RBBP5: variants seen among roughly 807,000 people sequenced by gnomAD.
RBBP5 encodes retinoblastoma-binding protein 5.
A neutral mutation model predicts 72.2 loss-of-function variants in RBBP5; 5 were observed. The ratio of observed to expected loss-of-function variants is 0.07; its 90% CI spans 0.04 to 0.15. The LOEUF is 0.15. Among genes scored for constraint, RBBP5 ranks in the 10% least tolerant of loss-of-function variants. RBBP5 has a pLI of 1.00. For synonymous variants in RBBP5, 209 were observed against 237.2 expected, an observed-to-expected ratio of 0.88 and a Z score of 1.09; for missense variants, 322 against 652.2, an observed-to-expected ratio of 0.49 and a Z score of 5.51.
intron 3 of RBBP5, among the ~76,000 whole-genome samples, chr1:205,109,315 G>A (rs1656209886): frequency 6.6e-6 from 1 of 150,654 alleles, no homozygotes; most frequent in Non-Finnish European, 1.5e-5. Flanking sequence ...ACTGTAACAG[G>A]AAACCCAATT....
chr1:205,121,864 C>T lies in RBBP5; in HGVS notation c.10G>A (p.Glu4Lys). The T allele has an allele frequency of 6.2e-7, 1 of 1,611,994 alleles. No individual in the cohort carries two copies. The highest frequency in any genetic ancestry group is 8.5e-7 in the Non-Finnish European group (1 of 1,180,000). Residue 4 changes from glutamate (E) to lysine (K), a missense_variant, in exon 1 of 14, where the codon GAG (glutamate) becomes AAG (lysine). Coordinates refer to ENST00000264515, the MANE Select transcript of RBBP5 (RefSeq NM_005057.4). ...CCACAGCCCTTCTCACCCAGCAACT[C>T]GAGGTTCATCCCTGCGGACTGTGGC... MNLELLESFGQNYP... is the reference protein window; with the variant it reads MNLKLLESFGQNYP...
intron 1 of RBBP5, among the ~76,000 whole-genome samples, chr1:205,119,027 G>A (rs1162496005): frequency 6.6e-6 from 1 of 152,074 alleles, no homozygotes; most frequent in African/African-American, 2.4e-5. Context: ...ACTTTAAAAT[G>A]CAGAGTCATT....
chr1:205,093,778 G>T (rs1025537699), intron 13 of RBBP5, among the ~76,000 whole-genome samples: 10 of 151,880 alleles, frequency 6.6e-5, no homozygotes, highest in Non-Finnish European at 1.2e-4. Context: ...CAGCTTCTCT[G>T]TAAGAGAATT....
chr1:205,110,060 G>A (rs1574711118), intron 3 of RBBP5, among the ~76,000 whole-genome samples: 1 of 151,760 alleles, frequency 6.6e-6, no homozygotes, highest in Admixed American at 6.6e-5. Flanking sequence ...TTCCGAGACA[G>A]GGTCTCGCTC....
At chr1:205,104,833 G>A (rs941636057) in intron 4 of RBBP5, among the ~76,000 whole-genome samples, 195 bp downstream of exon 4, 1 of 151,910 alleles carries the variant, frequency 6.6e-6, no homozygotes, top group East Asian at 1.9e-4. Flanking sequence ...GCAGGACTCT[G>A]TCTCAAAAAA....
At chr1:205,100,343 A>C in intron 6 of RBBP5, 72 bp from the exon 7 acceptor site, 1 of 1,540,768 alleles carries the variant, frequency 6.5e-7, no homozygotes, top group Non-Finnish European at 8.8e-7. Context: ...ACGACTAATA[A>C]ACTAGGGAAG....
chr1:205,088,061 G>C lies in RBBP5; in HGVS notation c.*726C>G, dbSNP rs1188733950. On this transcript the variant is annotated 3_prime_UTR_variant, in exon 14 of 14. Coordinates refer to ENST00000264515, the MANE Select transcript of RBBP5 (RefSeq NM_005057.4). ...TATTGATGATTCTTTGCTGGAGATG[G>C]ATAAAACTAGCTATCTTCAAAAACC... 2.0e-5 allele frequency: 3 copies of C among 152,176 alleles called. No individual in the cohort carries two copies. The highest frequency in any genetic ancestry group is 6.5e-5 in the Admixed American group (1 of 15,272). The allele number at this position is 152,176 out of a possible 1,614,324, so 9.4% of individuals were successfully genotyped here.
In RBBP5 at chr1:205,105,989, C is replaced by T. The variant is rs139024972; in HGVS notation, c.219-821G>A. On this transcript the variant is annotated intron_variant, in intron 3 of 13. Coordinates refer to ENST00000264515, the MANE Select transcript of RBBP5 (RefSeq NM_005057.4). ...CAGCTATAACAAGGCACCCTCCCCA[C>T]CTCACTGGGGTGGTGTCAGAGAAGG... Among the ~76,000 whole-genome samples the T allele has an allele frequency of 1.1e-3, 165 of 152,374 alleles. 1 individual carries two copies. Among genetic ancestry groups the T allele is most frequent in the African/African-American group, 3.7e-3 (155 of 41,580 alleles).
chr1:205,096,892 A>C lies in RBBP5; in HGVS notation c.1186T>G (p.Ser396Ala). Residue 396 changes from serine to alanine, a missense_variant, in exon 12 of 14, where the codon TCA becomes GCA. Around this residue, in one of 6 missense-constraint regions of RBBP5, gnomAD observed 30 missense variants for 82.1 expected, o/e 0.37. Transcript: ENST00000264515. Reference sequence around the variant, plus strand: ...ATGGGTAAATACAATAGAGCCTTTGAATCTTCCAGCTCTTCATCACTATTT... The same window carrying C: ...ATGGGTAAATACAATAGAGCCTTTGCATCTTCCAGCTCTTCATCACTATTT... ...FCSSDEELED[S>A]KALLYLPIAP... 6.2e-7 allele frequency: 1 copy of C among 1,601,292 alleles called. No homozygotes were observed. The highest frequency in any genetic ancestry group is 8.5e-7 in the Non-Finnish European group (1 of 1,174,566).
At chr1:205,100,312 T>A (rs540755281) in intron 6 of RBBP5, 41 bp from the exon 7 acceptor site, 57 of 1,607,586 alleles carry the variant, frequency 3.5e-5, no homozygotes, top group Admixed American at 8.4e-5. Flanking sequence ...AGGTCAGAAA[T>A]CTGTTCCTTA....
Position 205,090,634 on chromosome 1 carries a change from C to T in RBBP5, c.1589-1819G>A, listed in dbSNP as rs116796922. On this transcript the variant is annotated intron_variant, in intron 13 of 13. Coordinates refer to ENST00000264515, the MANE Select transcript of RBBP5 (RefSeq NM_005057.4). ...CCCAAGGAAACATATTATTTAGCTA[C>T]AACATAAAGGAAATCTCCAGTAATG... Among the ~76,000 whole-genome samples, 239 of 152,214 alleles carry T rather than the reference C, an allele frequency of 1.6e-3. 1 individual carries two copies. The highest frequency in any genetic ancestry group is 5.5e-3 in the African/African-American group (230 of 41,524).
chr1:205,093,533 T>TACACACACACACACAC (rs372536310), intron 13 of RBBP5, among the ~76,000 whole-genome samples: 12 of 4,872 alleles, frequency 2.5e-3, no homozygotes, highest in Admixed American at 4.0e-3. Context: ...TATATATATA[T>TACACACACACACACAC]ACACACACAC....
chr1:205,104,910 G>C, intron 4 of RBBP5, 118 bp downstream of exon 4: 2 of 1,112,574 alleles, frequency 1.8e-6, no homozygotes, highest in Non-Finnish European at 2.6e-6. Flanking sequence ...ATTTTATGTA[G>C]AAGGTTTGAA....
intron 3 of RBBP5, among the ~76,000 whole-genome samples, chr1:205,111,911 C>G (rs1242581955): frequency 6.6e-6 from 1 of 152,112 alleles, no homozygotes. Flanking sequence ...TATCCTGATA[C>G]CTGTAGTTCC....
rs201380588 is a variant in RBBP5 at position 205,094,862 on chromosome 1, T to C, written c.1588+11A>G. ...GAAGCAAGCCAGACAATGCTCCCAA[T>C]GTGTCCTTACCTGTCAAGGGCTGGC... is the stretch of plus-strand genomic sequence containing the variant. On this transcript the variant is annotated intron_variant, in intron 13 of 13. Transcript: ENST00000264515. 3.8e-5 allele frequency: 61 copies of C among 1,605,130 alleles called. No individual in the cohort carries two copies. The Admixed American group carries it at 5.2e-4, about 14-fold the overall frequency.
intron 1 of RBBP5, 143 bp from the exon 2 acceptor site, chr1:205,116,026 T>C: frequency 6.5e-7 from 1 of 1,543,268 alleles, no homozygotes; most frequent in Non-Finnish European, 8.8e-7. Context: ...GCCATACGGA[T>C]TTTCAAGATC....
At chr1:205,107,085 TATAC>T (rs769705131) in intron 3 of RBBP5, among the ~76,000 whole-genome samples, 5 of 128,956 alleles carry the variant, frequency 3.9e-5, no homozygotes, top group Non-Finnish European at 8.7e-5. Context: ...CATATATATA[TATAC>T]ACACACACAC....
intron 3 of RBBP5, among the ~76,000 whole-genome samples, chr1:205,110,231 G>A (rs1056836121): frequency 3.3e-5 from 5 of 151,972 alleles, no homozygotes; most frequent in Non-Finnish European, 5.9e-5. Flanking sequence ...TGTTGTCCAG[G>A]CTGGTCTCGA....
rs182208082 is a variant in RBBP5 at position 205,088,517 on chromosome 1, G to A, written c.*270C>T. 922 of 444,146 alleles carry A rather than the reference G, an allele frequency of 2.1e-3. 3 individuals carry two copies. Among genetic ancestry groups the A allele is most frequent in the South Asian group, 9.1e-3 (273 of 29,964 alleles). The allele number at this position is 444,146 out of a possible 1,614,324, so 27.5% of individuals were successfully genotyped here. A position where few individuals can be genotyped will look rare whatever the true frequency, so the allele number is the denominator to read the frequency against. On this transcript the variant is annotated 3_prime_UTR_variant, in exon 14 of 14. Coordinates refer to ENST00000264515, the MANE Select transcript of RBBP5 (RefSeq NM_005057.4). ...TCCAGCAACATAACTAAGCATCAAA[G>A]TTTAAATGAGTCAAAATTCCTATCT...
Sources: gnomAD v4.1 joint callset for allele counts (sites outside exome capture counted in the v4.1 genomes callset) on GRCh38, gnomAD v4.1.1 for gene constraint, gnomAD v4.1.1 regional missense constraint, MANE v1.5 for transcripts, NCBI Gene and HGNC (gene_info 2026-07-23, HGNC 2026-07-21) for gene names.